The following ROBO1 variants were observed in gnomAD, a reference collection of about 807,000 sequenced individuals.
ROBO1 encodes roundabout homolog 1.
In ROBO1, 149 loss-of-function variants were observed where a neutral mutation model predicts 195.9. The ratio of observed to expected loss-of-function variants is 0.76; its 90% confidence interval spans 0.67 to 0.87. ROBO1 has a LOEUF of 0.87. ROBO1 is among the 40% of genes least tolerant of loss of function. The pLI is 0.00. For missense variants in ROBO1, 1,933 were observed against 2,068.3 expected (o/e 0.93, Z 1.27); for synonymous variants, 816 against 733.2 (o/e 1.11, Z -1.82).
intron 4 of ROBO1, among the ~76,000 whole-genome samples, chr3:78,916,602 GT>G (rs1447397790): frequency 2.0e-5 from 3 of 150,596 alleles, no homozygotes; most frequent in African/African-American, 7.3e-5. Flanking sequence ...AAGCAATACT[GT>G]TTTTTTATTT....
At chr3:79,214,634 G>T (rs965136053) in intron 2 of ROBO1, among the ~76,000 whole-genome samples, 4 of 151,788 alleles carry the variant, frequency 2.6e-5, no homozygotes, top group Non-Finnish European at 5.9e-5. Flanking sequence ...AAACACTTAG[G>T]AGGTGGTTCA....
At chr3:78,978,269 TGAA>T (rs976672178) in intron 3 of ROBO1, among the ~76,000 whole-genome samples, 1 of 151,994 alleles carries the variant, frequency 6.6e-6, no homozygotes, top group African/African-American at 2.4e-5. Flanking sequence ...GATGGAGAAA[TGAA>T]GAGGGAAATC....
In ROBO1 at chr3:79,454,331, C is replaced by T. The variant is rs1410353101; in HGVS notation, c.88+135493G>A. Among the ~76,000 whole-genome samples the T allele has an allele frequency of 2.6e-5, 4 of 152,146 alleles. No homozygotes were observed. The East Asian group carries it at 7.7e-4, about 29-fold the overall frequency. On this transcript the variant is annotated intron_variant, in intron 2 of 30. Transcript: ENST00000464233. ...TTTATTTATTTGTCAAGGCATGTTT[C>T]CCTCACTCAAGTTATACTATTTTTA...
chr3:79,339,379 T>A (rs2109216224), intron 2 of ROBO1, among the ~76,000 whole-genome samples: 1 of 152,316 alleles, frequency 6.6e-6, no homozygotes, highest in Middle Eastern at 3.4e-3. Flanking sequence ...TGTGCTGTTT[T>A]CTCCCATTTG....
chr3:79,034,456 A>C (rs2078348688), intron 3 of ROBO1, among the ~76,000 whole-genome samples: 1 of 152,094 alleles, frequency 6.6e-6, no homozygotes, highest in African/African-American at 2.4e-5. Context: ...GAAGGAGGGA[A>C]ACCATTTGTA....
chr3:78,657,176 T>C lies in ROBO1; in HGVS notation c.2536A>G (p.Ile846Val). 1 of 1,613,316 alleles carries C rather than the reference T, an allele frequency of 6.2e-7. No homozygotes were observed. Among genetic ancestry groups the C allele is most frequent in the Non-Finnish European group, 8.5e-7 (1 of 1,179,640 alleles). ...GCTGCCACTTCCACACTGTATCGGA[T>C]TCCAGGAACAAGAAAGGGAATGACC... ...SVVIPFLVPG[I>V]RYSVEVAAST... Residue 846 changes from isoleucine to valine, a missense_variant, in exon 18 of 31, where the codon ATC becomes GTC. By Grantham distance (29) the Ile-to-Val change is conservative (BLOSUM62 3). This residue lies in a region of ROBO1 where 1,737 missense variants were observed against 1,882.5 expected (regional missense o/e 0.92). Transcript: ENST00000464233.
rs140714680 is a variant in ROBO1, at chr3:78,602,809, T to C, written c.4745-2500A>G. On this transcript the variant is annotated intron_variant, in intron 29 of 30. Transcript: ENST00000464233. Reference sequence around the variant, plus strand: ...TTCCTCAAACTCAACCTGTTGAACATTGACCTCACAATGCTCACTCCCTTA... The same window carrying C: ...TTCCTCAAACTCAACCTGTTGAACACTGACCTCACAATGCTCACTCCCTTA... Among the ~76,000 whole-genome samples the C allele has an allele frequency of 1.5e-3, 234 of 152,280 alleles. 2 individuals are homozygous for C. The highest frequency in any genetic ancestry group is 5.4e-3 in the African/African-American group (225 of 41,568).
chr3:79,347,846 G>T (rs2035183599), intron 2 of ROBO1, among the ~76,000 whole-genome samples: 1 of 152,102 alleles, frequency 6.6e-6, no homozygotes, highest in African/African-American at 2.4e-5. Flanking sequence ...AAATAAACAG[G>T]CTCATTTTGA....
rs540988993 is a variant in ROBO1 at position 79,145,450 on chromosome 3, T to A, written c.89-19911A>T. Among the ~76,000 whole-genome samples, 12 of 151,882 alleles carry A rather than the reference T, an allele frequency of 7.9e-5. No individual in the cohort carries two copies. The East Asian group carries it at 2.1e-3, about 27-fold the overall frequency. Reference sequence around the variant, plus strand: ...CTATTTTAAAAACTTTATTATTTAATCTTTAAATGTGAAAACTATAAAGAA... The same window carrying A: ...CTATTTTAAAAACTTTATTATTTAAACTTTAAATGTGAAAACTATAAAGAA... On this transcript the variant is annotated intron_variant, in intron 2 of 30. Coordinates refer to ENST00000464233, the MANE Select transcript of ROBO1 (RefSeq NM_002941.4).
chr3:78,621,262 A>G (rs2107433462), intron 26 of ROBO1, among the ~76,000 whole-genome samples: 1 of 152,314 alleles, frequency 6.6e-6, no homozygotes, highest in Non-Finnish European at 1.5e-5. Flanking sequence ...ACCACACTTA[A>G]AAGTTAATTT....
intron 5 of ROBO1, among the ~76,000 whole-genome samples, chr3:78,732,712 AATC>A (rs1013621462): frequency 1.3e-5 from 2 of 152,150 alleles, no homozygotes; most frequent in African/African-American, 4.8e-5. Flanking sequence ...AGGAATAAGA[AATC>A]ATGGATTCCT....
chr3:79,677,673 T>C (rs75167166), intron 1 of ROBO1, among the ~76,000 whole-genome samples: 1 of 152,022 alleles, frequency 6.6e-6, no homozygotes, highest in Non-Finnish European at 1.5e-5. Flanking sequence ...CTGCAAGTGG[T>C]CTCTGTGGCT....
chr3:79,035,149 ATATT>A (rs1192582578), intron 3 of ROBO1, among the ~76,000 whole-genome samples: 3 of 152,096 alleles, frequency 2.0e-5, no homozygotes, highest in Admixed American at 6.6e-5. Flanking sequence ...CAGTATGTTT[ATATT>A]TATTTTTATT....
intron 2 of ROBO1, among the ~76,000 whole-genome samples, chr3:79,201,803 A>G (rs565982796): frequency 2.6e-4 from 39 of 151,762 alleles, no homozygotes; most frequent in Non-Finnish European, 5.2e-4. Flanking sequence ...GCACCTAATA[A>G]ATATTCACAT....
intron 2 of ROBO1, among the ~76,000 whole-genome samples, chr3:79,513,732 T>C (rs1366823372): frequency 6.6e-6 from 1 of 152,112 alleles, no homozygotes; most frequent in Non-Finnish European, 1.5e-5. Flanking sequence ...TCCCATTCTT[T>C]GTGCACATAG....
At chr3:78,617,528 G>T in intron 27 of ROBO1, 107 bp downstream of exon 27, 23 of 1,081,268 alleles carry the variant, frequency 2.1e-5, no homozygotes, top group Non-Finnish European at 2.4e-5. Context: ...AAAACTGTAA[G>T]AATAGATGCT....
intron 1 of ROBO1, among the ~76,000 whole-genome samples, chr3:79,612,032 T>A (rs909818187): frequency 1.5e-3 from 191 of 131,484 alleles, no homozygotes; most frequent in Non-Finnish European, 2.0e-3. Flanking sequence ...TCTTTTTTTT[T>A]ATTATTTTTT....
intron 2 of ROBO1, among the ~76,000 whole-genome samples, chr3:79,173,414 G>A (rs2081203135): frequency 6.6e-6 from 1 of 152,052 alleles, no homozygotes; most frequent in Non-Finnish European, 1.5e-5. Context: ...TGTGGGCTCG[G>A]CGGGCCCGCA....
chr3:78,684,499 C>G (rs948350238), intron 10 of ROBO1, among the ~76,000 whole-genome samples: 1 of 152,080 alleles, frequency 6.6e-6, no homozygotes, highest in African/African-American at 2.4e-5. Flanking sequence ...AGTTTACTTA[C>G]TTCACGGCAT....
Sources: gnomAD v4.1 joint callset for allele counts (sites outside exome capture counted in the v4.1 genomes callset) on GRCh38, gnomAD v4.1.1 for gene constraint, gnomAD v4.1.1 regional missense constraint, MANE v1.5 for transcripts, NCBI Gene and HGNC (gene_info 2026-07-23, HGNC 2026-07-21) for gene names.